BRWD1: variants seen among roughly 807,000 people sequenced by gnomAD.
The protein encoded by BRWD1 is bromodomain and WD repeat-containing protein 1.
A neutral mutation model predicts 251.2 loss-of-function variants in BRWD1; 82 were observed. The ratio of observed to expected loss-of-function variants is 0.33; its 90% CI spans 0.27 to 0.39. BRWD1 has a LOEUF of 0.39. Among genes scored for constraint, BRWD1 ranks in the 10% least tolerant of loss-of-function variants. The pLI, the probability that BRWD1 is intolerant of heterozygous loss-of-function variation, is 1.00. For missense variants in BRWD1, 2,233 were observed against 2,711.6 expected, an observed-to-expected ratio of 0.82 and a Z score of 3.92; for synonymous variants, 918 against 902.8, an observed-to-expected ratio of 1.02 and a Z score of -0.30.
At chr21:39,273,584 A>G (rs1410613254) in intron 13 of BRWD1, among the ~76,000 whole-genome samples, 1 of 152,046 alleles carries the variant, frequency 6.6e-6, no homozygotes. Flanking sequence ...TAAACATAAA[A>G]ATTAGCCAGG....
chr21:39,297,854 A>C (rs1259535646), intron 5 of BRWD1: 2 of 971,998 alleles, frequency 2.1e-6, no homozygotes, highest in South Asian at 4.8e-5. Context: ...TATATCACAT[A>C]CATATACTTA....
At chr21:39,258,353 A>T (rs1260242736) in intron 18 of BRWD1, 134 bp downstream of exon 18, 8 of 734,352 alleles carry the variant, frequency 1.1e-5, no homozygotes, top group Non-Finnish European at 1.7e-5. Context: ...AGCTACCTTC[A>T]GACTACTAAT....
intron 36 of BRWD1, among the ~76,000 whole-genome samples, chr21:39,208,406 C>T (rs1186270557): frequency 2.0e-5 from 3 of 152,126 alleles, no homozygotes. Flanking sequence ...CAAATTGAGA[C>T]CAGAGGCAGT....
intron 13 of BRWD1, among the ~76,000 whole-genome samples, chr21:39,271,696 CAAAAAAAAAAAA>C (rs34900726): frequency 2.0e-4 from 12 of 59,844 alleles, no homozygotes; most frequent in Admixed American, 1.9e-3. Context: ...GACTCCGTCT[CAAAAAAAAAAAA>C]AAAAAAAAAA....
chr21:39,306,310 C>T (rs1300483643), intron 4 of BRWD1, among the ~76,000 whole-genome samples: 1 of 152,008 alleles, frequency 6.6e-6, no homozygotes, highest in African/African-American at 2.4e-5. Flanking sequence ...ACCTTGTGAT[C>T]CACCCGCCTC....
At chr21:39,215,213 C>T in intron 32 of BRWD1, 24 bp downstream of exon 32, 7 of 1,606,210 alleles carry the variant, frequency 4.4e-6, no homozygotes, top group Non-Finnish European at 6.0e-6. Context: ...GTCACTTTTA[C>T]ACAACATCTA....
At chr21:39,317,870 G>T (rs1350965582), upstream of BRWD1, among the ~76,000 whole-genome samples, 1 of 152,192 alleles carries the variant, frequency 6.6e-6, no homozygotes, top group East Asian at 1.9e-4. Context: ...TAAACATAGT[G>T]AGACCCTCTC....
At position 39,192,959 on chromosome 21, in the gene BRWD1, A is replaced by ATG. The variant is rs1474149592; in HGVS notation, c.*3298_*3299dup. On this transcript the variant is annotated 3_prime_UTR_variant, in exon 41 of 41. Transcript: ENST00000342449. ...AAAAAAAGTCTAGAAGACAGAGGGA[A>ATG]TGTAGTGTGCACCCCTTATTCTAAG... is the stretch of plus-strand genomic sequence containing the variant. The ATG allele has an allele frequency of 5.5e-5, 54 of 984,026 alleles. No homozygotes were observed. The highest frequency in any genetic ancestry group is 6.3e-5 in the Non-Finnish European group (52 of 829,046). 61.0% of individuals were successfully genotyped at this position (984,026 alleles called of 1,614,324 possible).
intron 36 of BRWD1, among the ~76,000 whole-genome samples, chr21:39,206,819 A>C (rs1223987234): frequency 6.6e-6 from 1 of 152,252 alleles, no homozygotes. Context: ...TTGTTTTAAC[A>C]ATGTTTACAA....
chr21:39,313,317 G>A lies in BRWD1; in HGVS notation c.50-18C>T, dbSNP rs560962441. 4.8e-5 allele frequency: 73 copies of A among 1,535,500 alleles called. 3 individuals carry two copies. In the South Asian group the frequency reaches 7.3e-4, roughly 15 times the overall value. On this transcript the variant is annotated intron_variant, in intron 1 of 40. Coordinates refer to ENST00000342449, the MANE Select transcript of BRWD1 (RefSeq NM_033656.4). ...GTACAGCTCTGCGGGAAGACAAGGAGTCAGGTCAAGCCCCGGCGGGGAGGG... is the reference window on the plus strand; with the variant it reads ...GTACAGCTCTGCGGGAAGACAAGGAATCAGGTCAAGCCCCGGCGGGGAGGG...
At chr21:39,318,118 T>C (rs189738683), upstream of BRWD1, among the ~76,000 whole-genome samples, 127 of 152,252 alleles carry the variant, frequency 8.3e-4, 1 homozygote, top group African/African-American at 3.0e-3. Flanking sequence ...CTTTTTTTTT[T>C]AATCTGTCTG....
chr21:39,228,351 A>T (rs2033467729), intron 27 of BRWD1, 149 bp downstream of exon 27: 2 of 588,864 alleles, frequency 3.4e-6, no homozygotes, highest in East Asian at 5.7e-5. Flanking sequence ...ACCAAGCCGT[A>T]AGCAAAATAT....
At chr21:39,272,870 C>T (rs1403754565) in intron 13 of BRWD1, among the ~76,000 whole-genome samples, 1 of 152,132 alleles carries the variant, frequency 6.6e-6, no homozygotes, top group Admixed American at 6.5e-5. Context: ...CCTTGGCCTC[C>T]CAAAGTGCTG....
chr21:39,215,167 G>A (rs976346210), intron 32 of BRWD1, 70 bp downstream of exon 32: 30 of 1,529,392 alleles, frequency 2.0e-5, no homozygotes, highest in African/African-American at 1.4e-4. Flanking sequence ...CACCACGCCC[G>A]GCAAAACTAG....
At chr21:39,310,847 C>T (rs28580194) in intron 4 of BRWD1, among the ~76,000 whole-genome samples, 14,680 of 151,874 alleles carry the variant, frequency 0.097, 829 homozygotes, top group East Asian at 0.14. Flanking sequence ...GTGTTAGCAC[C>T]GCAGCTGGCC....
At chr21:39,281,041 A>C (rs1568946959) in intron 8 of BRWD1, among the ~76,000 whole-genome samples, 2 of 152,232 alleles carry the variant, frequency 1.3e-5, no homozygotes, top group Non-Finnish European at 2.9e-5. Context: ...AAGCAAAGGA[A>C]TAATATCAGC....
chr21:39,211,203 C>A (rs2032642152), intron 34 of BRWD1, among the ~76,000 whole-genome samples: 1 of 152,156 alleles, frequency 6.6e-6, no homozygotes, highest in African/African-American at 2.4e-5. Flanking sequence ...CATGACCTCT[C>A]ACCTCCCAGG....
intron 32 of BRWD1, among the ~76,000 whole-genome samples, chr21:39,213,927 C>CAT (rs749389533): frequency 1.3e-5 from 2 of 148,414 alleles, no homozygotes; most frequent in East Asian, 2.0e-4. Flanking sequence ...TATATATATA[C>CAT]ATATATATAT....
chr21:39,212,650 A>G lies in BRWD1; in HGVS notation c.3900+16T>C, dbSNP rs766570917. The G allele has an allele frequency of 6.5e-6, 10 of 1,543,838 alleles. No homozygotes were observed. In the East Asian group the frequency reaches 2.3e-4, roughly 35 times the overall value. On this transcript the variant is annotated intron_variant, in intron 34 of 40. Transcript: ENST00000342449. ...GAAAAAGAAACTACAAAAGTCAACC[A>G]TGCAGAGTAACTTACTCTCCTCCTT...
Sources: allele counts gnomAD v4.1 joint callset (sites outside exome capture counted in the v4.1 genomes callset), GRCh38; gene constraint gnomAD v4.1.1; transcripts MANE v1.5; gene names NCBI Gene and HGNC (gene_info 2026-07-23, HGNC 2026-07-21).